Variants in PREPL observed in about 807,000 individuals in gnomAD.
PREPL encodes the protein prolyl endopeptidase like.
Under a neutral mutation model 70.6 loss-of-function variants are expected in PREPL, and 77 were observed. That is an observed-to-expected ratio of 1.09 (90% confidence interval 0.91 to 1.32). The LOEUF is 1.32. Among genes scored for constraint, PREPL ranks in the 40% most tolerant of loss-of-function variants. PREPL has a pLI of 0.00. For synonymous variants in PREPL, 315 were observed against 264.8 expected, an observed-to-expected ratio of 1.19 and a Z score of -1.84; for missense variants, 1,002 against 778.2, an observed-to-expected ratio of 1.29 and a Z score of -3.42.
At chr2:44,342,581 A>C in intron 4 of PREPL, 29 bp from the exon 5 acceptor site, 1 of 1,488,658 alleles carries the variant, frequency 6.7e-7, no homozygotes, top group Non-Finnish European at 9.2e-7. Context: ...ATAATTATAC[A>C]TAATCACCTA....
At chr2:44,324,191 A>G (rs1051726566) in intron 10 of PREPL, among the ~76,000 whole-genome samples, 2 of 152,244 alleles carry the variant, frequency 1.3e-5, no homozygotes, top group African/African-American at 4.8e-5. Flanking sequence ...AAAATTTTGT[A>G]TGACTCCACC....
intron 7 of PREPL, among the ~76,000 whole-genome samples, chr2:44,334,770 G>A (rs534535755): frequency 1.3e-5 from 2 of 152,150 alleles, no homozygotes; most frequent in Non-Finnish European, 2.9e-5. Flanking sequence ...AGTAGAGACA[G>A]GGTTTTGCCA....
intron 8 of PREPL, among the ~76,000 whole-genome samples, 167 bp from the exon 9 acceptor site, chr2:44,329,279 T>C (rs952440298): frequency 1.6e-4 from 24 of 152,232 alleles, no homozygotes; most frequent in African/African-American, 5.3e-4. Context: ...AAATAAATCA[T>C]GGCTTTTGGT....
chr2:44,324,009 G>C (rs1357281185), intron 10 of PREPL, among the ~76,000 whole-genome samples: 1 of 152,208 alleles, frequency 6.6e-6, no homozygotes, highest in Non-Finnish European at 1.5e-5. Flanking sequence ...CAGCCAAAAG[G>C]TGGAAGCAAC....
At chr2:44,326,048 C>T (rs1327691218) in intron 10 of PREPL, among the ~76,000 whole-genome samples, 1 of 152,206 alleles carries the variant, frequency 6.6e-6, no homozygotes, top group African/African-American at 2.4e-5. Flanking sequence ...AGTAGCCTGT[C>T]AAGGTGACCA....
At chr2:44,345,265 T>C (rs970277021) in intron 2 of PREPL, among the ~76,000 whole-genome samples, 2 of 152,246 alleles carry the variant, frequency 1.3e-5, no homozygotes, top group African/African-American at 2.4e-5. Context: ...GAGATCCTTA[T>C]TCTTAACCTA....
chr2:44,321,711 T>C (rs779536827), intron 13 of PREPL, 116 bp downstream of exon 13: 18 of 1,590,632 alleles, frequency 1.1e-5, no homozygotes, highest in South Asian at 9.1e-5. Flanking sequence ...GTCTCACCCA[T>C]AGATAGGACA....
chr2:44,359,225 G>A (rs956949544), intron 1 of PREPL, among the ~76,000 whole-genome samples: 2 of 151,710 alleles, frequency 1.3e-5, no homozygotes, highest in East Asian at 1.9e-4. Context: ...GTGCCATGAC[G>A]CCTAGCTAAC....
chr2:44,320,098 A>G lies in PREPL; in HGVS notation c.*1258T>C, dbSNP rs1672795905. On this transcript the variant is annotated 3_prime_UTR_variant, in exon 14 of 14. Coordinates refer to ENST00000409411, the MANE Select transcript of PREPL (RefSeq NM_001171613.2). ...TGGCAATTATAAGGGGCAAAATTGG[A>G]GCAAGTGTTTTGGGTAAATAACTCC... The G allele has an allele frequency of 9.7e-7, 1 of 1,036,078 alleles. No individual in the cohort carries two copies. The allele number at this position is 1,036,078 out of a possible 1,614,324, so 64.2% of individuals were successfully genotyped here.
At chr2:44,346,779 CT>C (rs1675873306) in intron 1 of PREPL, among the ~76,000 whole-genome samples, 1 of 151,908 alleles carries the variant, frequency 6.6e-6, no homozygotes, top group African/African-American at 2.4e-5. Context: ...AGAAAAAAAT[CT>C]TTCGCGTTTA....
chr2:44,326,383 C>CTTT (rs554397665), intron 10 of PREPL, among the ~76,000 whole-genome samples: 5 of 128,200 alleles, frequency 3.9e-5, no homozygotes, highest in Non-Finnish European at 6.7e-5. Context: ...TTTTTCTTTC[C>CTTT]TTTTTTTTTT....
In PREPL at chr2:44,320,690, A is replaced by G. The variant is rs758647324; in HGVS notation, c.*666T>C. The G allele has an allele frequency of 1.5e-6, 2 of 1,371,586 alleles. No homozygotes were observed. Among genetic ancestry groups the G allele is most frequent in the South Asian group, 1.2e-5 (1 of 85,802 alleles). The allele number at this position is 1,371,586 out of a possible 1,614,324, so 85.0% of individuals were successfully genotyped here. A position where few individuals can be genotyped will look rare whatever the true frequency, so the allele number is the denominator to read the frequency against. ...CTGGCATTTCAGTGGGATTGTAAGC[A>G]TTTGTAATAGCTTCATGTACAGCAT... On this transcript the variant is annotated 3_prime_UTR_variant, in exon 14 of 14. Transcript: ENST00000409411.
intron 1 of PREPL, among the ~76,000 whole-genome samples, chr2:44,358,782 T>C (rs972602073): frequency 1.3e-5 from 2 of 152,198 alleles, no homozygotes; most frequent in Non-Finnish European, 2.9e-5. Flanking sequence ...TCTTCCTGAA[T>C]GACTCAAGTG....
chr2:44,337,314 G>C (rs1468141554), intron 7 of PREPL, among the ~76,000 whole-genome samples: 4 of 152,048 alleles, frequency 2.6e-5, no homozygotes, highest in Non-Finnish European at 5.9e-5. Flanking sequence ...TCTCTAGTTT[G>C]AGCCCCACAG....
chr2:44,343,723 A>T (rs991489969), intron 4 of PREPL, 22 bp downstream of exon 4: 1 of 1,589,456 alleles, frequency 6.3e-7, no homozygotes, highest in Non-Finnish European at 8.6e-7. Flanking sequence ...AACACAGAGG[A>T]CTATTTTGGT....
chr2:44,343,618 T>G, intron 4 of PREPL, 127 bp downstream of exon 4: 1 of 748,664 alleles, frequency 1.3e-6, no homozygotes, highest in Non-Finnish European at 2.2e-6. Flanking sequence ...CATAGGAAGA[T>G]GTATAGTCCA....
intron 7 of PREPL, among the ~76,000 whole-genome samples, chr2:44,337,449 G>A (rs1005553759): frequency 3.3e-5 from 5 of 152,022 alleles, no homozygotes; most frequent in African/African-American, 4.8e-5. Flanking sequence ...AACAGCTTTC[G>A]ATTCTATAAT....
In PREPL at chr2:44,320,599, G is replaced by T. The variant is rs1453622040; in HGVS notation, c.*757C>A. The T allele has an allele frequency of 6.2e-7, 1 of 1,613,870 alleles. No individual in the cohort carries two copies. Among genetic ancestry groups the T allele is most frequent in the African/African-American group, 1.3e-5 (1 of 74,896 alleles). ...AGATGCTTTGTTTCCAATCGAGCAT[G>T]CTATTCCAGTGTACTGAACATACTG... is the stretch of plus-strand genomic sequence containing the variant. On this transcript the variant is annotated 3_prime_UTR_variant, in exon 14 of 14. Coordinates refer to ENST00000409411, the MANE Select transcript of PREPL (RefSeq NM_001171613.2).
intron 2 of PREPL, among the ~76,000 whole-genome samples, chr2:44,345,279 T>C (rs983956271): frequency 7.9e-5 from 12 of 152,216 alleles, no homozygotes; most frequent in Admixed American, 3.9e-4. Flanking sequence ...TAACCTACTA[T>C]TTCCACTCTA....
Sources: gnomAD v4.1 joint callset for allele counts (sites outside exome capture counted in the v4.1 genomes callset) on GRCh38, gnomAD v4.1.1 for gene constraint, MANE v1.5 for transcripts, NCBI Gene and HGNC (gene_info 2026-07-23, HGNC 2026-07-21) for gene names.